The following ZNF385D variants were observed in gnomAD, a reference collection of about 807,000 sequenced individuals.
The protein encoded by ZNF385D is zinc finger protein 659.
A neutral mutation model predicts 35.8 loss-of-function variants in ZNF385D; 15 were observed. The ratio of observed to expected loss-of-function variants is 0.42; its 90% CI spans 0.28 to 0.64. The LOEUF (loss-of-function observed/expected upper bound fraction) is 0.64, where lower values mean the gene tolerates loss of function less well. ZNF385D is among the 30% of genes least tolerant of loss of function. ZNF385D has a pLI of 0.23. For missense variants in ZNF385D, 474 were observed against 494.6 expected, an observed-to-expected ratio of 0.96 and a Z score of 0.39; for synonymous variants, 212 against 186.8, an observed-to-expected ratio of 1.13 and a Z score of -1.10.
In ZNF385D at chr3:21,751,118, A is replaced by G; in HGVS notation, c.-202T>C. The G allele has an allele frequency of 6.8e-7, 1 of 1,467,410 alleles. No individual in the cohort carries two copies. Among genetic ancestry groups the G allele is most frequent in the Non-Finnish European group, 9.0e-7 (1 of 1,109,852 alleles). 90.9% of individuals were successfully genotyped at this position (1,467,410 alleles called of 1,614,324 possible). ...CAGGGCTAAGATCCCCGGCGGCTGG[A>G]GAGTGCGCTCGGGCTGCCTGCTGCA... On this transcript the variant is annotated 5_prime_UTR_variant, in exon 1 of 8. Coordinates refer to ENST00000281523, the MANE Select transcript of ZNF385D (RefSeq NM_024697.3).
At chr3:21,804,566 C>T (rs1427025071) in intron 3 of ZNF385D, among the ~76,000 whole-genome samples, 3 of 152,120 alleles carry the variant, frequency 2.0e-5, no homozygotes, top group African/African-American at 7.2e-5. Flanking sequence ...TTCCTCCCTC[C>T]CCCAGAGTGT....
chr3:21,857,426 A>C (rs1696786345), intron 3 of ZNF385D, among the ~76,000 whole-genome samples: 1 of 151,988 alleles, frequency 6.6e-6, no homozygotes, highest in Non-Finnish European at 1.5e-5. Flanking sequence ...AAGTAGTTTT[A>C]AGAGATTTTT....
chr3:22,248,251 C>T (rs771261805), intron 2 of ZNF385D, among the ~76,000 whole-genome samples: 1 of 152,140 alleles, frequency 6.6e-6, no homozygotes, highest in African/African-American at 2.4e-5. Flanking sequence ...CAGGTAGTGA[C>T]CACATGTCTG....
At chr3:21,908,841 T>C (rs1699822208) in intron 3 of ZNF385D, among the ~76,000 whole-genome samples, 1 of 152,076 alleles carries the variant, frequency 6.6e-6, no homozygotes, top group African/African-American at 2.4e-5. Flanking sequence ...AGCATGTAAA[T>C]TTACATGTCA....
In ZNF385D at chr3:21,416,091, C is replaced by T. The variant is rs1194954649; in HGVS notation, c.*5123G>A. ...CAGGTCGGACTGCGGACTGCAGTGG[C>T]GCAATCTCGGCTCACTGCAAGCTCC... On this transcript the variant is annotated 3_prime_UTR_variant, in exon 8 of 8. Coordinates refer to ENST00000281523, the MANE Select transcript of ZNF385D (RefSeq NM_024697.3). The T allele has an allele frequency of 8.0e-5, 3 of 37,372 alleles. 1 individual carries two copies. Among genetic ancestry groups the T allele is most frequent in the Non-Finnish European group, 1.3e-4 (3 of 22,868 alleles). 2.3% of individuals were successfully genotyped at this position (37,372 alleles called of 1,614,324 possible).
chr3:21,431,435 A>C (rs968917876), intron 5 of ZNF385D, among the ~76,000 whole-genome samples: 1 of 152,182 alleles, frequency 6.6e-6, no homozygotes, highest in Non-Finnish European at 1.5e-5. Flanking sequence ...TTCTGTGATG[A>C]TAAAAATATT....
At chr3:22,315,182 G>C (rs189263990) in intron 2 of ZNF385D, among the ~76,000 whole-genome samples, 1 of 152,188 alleles carries the variant, frequency 6.6e-6, no homozygotes, top group African/African-American at 2.4e-5. Context: ...AGAAGAAATA[G>C]GATTTGGGAA....
At chr3:21,959,267 C>T (rs1413695138) in intron 3 of ZNF385D, among the ~76,000 whole-genome samples, 1 of 152,078 alleles carries the variant, frequency 6.6e-6, no homozygotes, top group Non-Finnish European at 1.5e-5. Context: ...AAGAAAAACA[C>T]ACTTCAAATA....
In ZNF385D at chr3:21,884,597, C is replaced by T. The variant is rs1698446002; in HGVS notation, c.326-219569G>A. ...TTAATTACATATCCTTGCAATTATA[C>T]TAAAAACACAGGCAATAAATGGCCA... On this transcript the variant is annotated intron_variant, in intron 3 of 5. Coordinates refer to the ZNF385D transcript ENST00000494108. Among the ~76,000 whole-genome samples the T allele has an allele frequency of 3.3e-5, 5 of 152,116 alleles. No homozygotes were observed. In the South Asian group the frequency reaches 1.0e-3, roughly 32 times the overall value.
At chr3:21,707,734 T>C (rs2067959970) in intron 1 of ZNF385D, among the ~76,000 whole-genome samples, 1 of 152,234 alleles carries the variant, frequency 6.6e-6, no homozygotes, top group East Asian at 1.9e-4. Flanking sequence ...CTTGAGAATG[T>C]ACCAGTTTCT....
At chr3:22,281,268 C>T (rs761895896) in intron 2 of ZNF385D, among the ~76,000 whole-genome samples, 10 of 152,018 alleles carry the variant, frequency 6.6e-5, no homozygotes, top group African/African-American at 9.7e-5. Context: ...ATTTCCAGTA[C>T]TATGTTGAAT....
chr3:21,732,420 T>G (rs2069063835), intron 1 of ZNF385D, among the ~76,000 whole-genome samples: 1 of 152,138 alleles, frequency 6.6e-6, no homozygotes, highest in Non-Finnish European at 1.5e-5. Context: ...AGATGATTCC[T>G]GGATCATATG....
chr3:21,511,422 C>T (rs1007760660), intron 3 of ZNF385D, among the ~76,000 whole-genome samples: 1 of 152,142 alleles, frequency 6.6e-6, no homozygotes, highest in African/African-American at 2.4e-5. Flanking sequence ...TTAGAAAATG[C>T]ATTTTCTCTT....
chr3:22,189,076 T>C (rs1393159531), intron 2 of ZNF385D, among the ~76,000 whole-genome samples: 2 of 152,260 alleles, frequency 1.3e-5, no homozygotes, highest in South Asian at 2.1e-4. Flanking sequence ...ATCCATTCCT[T>C]AACTGGTAAC....
At chr3:21,588,940 G>A (rs967529268) in intron 2 of ZNF385D, among the ~76,000 whole-genome samples, 4 of 152,068 alleles carry the variant, frequency 2.6e-5, no homozygotes, top group Middle Eastern at 3.2e-3. Flanking sequence ...GTATTACTGA[G>A]CATTTATTAT....
intron 3 of ZNF385D, among the ~76,000 whole-genome samples, chr3:21,788,434 C>A (rs896357593): frequency 6.6e-6 from 1 of 151,528 alleles, no homozygotes; most frequent in Non-Finnish European, 1.5e-5. Context: ...GCTGAGACTG[C>A]ACCCACTGCA....
intron 3 of ZNF385D, among the ~76,000 whole-genome samples, chr3:22,011,659 T>C (rs1342768209): frequency 1.3e-5 from 2 of 152,106 alleles, no homozygotes; most frequent in Non-Finnish European, 2.9e-5. Flanking sequence ...TGGTTATAAA[T>C]ATCTAATGAT....
chr3:22,107,034 T>TTTTTTTTTTG (rs1283123465), intron 3 of ZNF385D, among the ~76,000 whole-genome samples: 21 of 147,828 alleles, frequency 1.4e-4, no homozygotes, highest in African/African-American at 5.1e-4. Flanking sequence ...GAGTTTTTTT[T>TTTTTTTTTTG]TTTTTTTTAG....
chr3:22,178,762 T>C (rs1333681137), intron 2 of ZNF385D, among the ~76,000 whole-genome samples: 1 of 152,232 alleles, frequency 6.6e-6, no homozygotes, highest in African/African-American at 2.4e-5. Context: ...AATTTTTGTA[T>C]AACGTGTAAG....
Sources: allele counts gnomAD v4.1 joint callset (sites outside exome capture counted in the v4.1 genomes callset), GRCh38; gene constraint gnomAD v4.1.1; transcripts MANE v1.5; gene names NCBI Gene and HGNC (gene_info 2026-07-23, HGNC 2026-07-21).